The following ADAMTS17 variants were observed in gnomAD, a reference collection of about 807,000 sequenced individuals.
The protein encoded by ADAMTS17 is A disintegrin and metalloproteinase with thrombospondin motifs 17.
Under a neutral mutation model 141.5 loss-of-function variants are expected in ADAMTS17, and 113 were observed. The ratio of observed to expected loss-of-function variants is 0.80; its 90% confidence interval spans 0.69 to 0.93. The LOEUF (loss-of-function observed/expected upper bound fraction) is 0.93. ADAMTS17 is among the 40% of genes least tolerant of loss of function. The probability of loss-of-function intolerance (pLI) is 0.00; values close to 1 mark genes in which losing one functional copy is unlikely to be tolerated. For missense variants in ADAMTS17, 1,659 were observed against 1,517.9 expected, an observed-to-expected ratio of 1.09 and a Z score of -1.54; for synonymous variants, 768 against 630.6, an observed-to-expected ratio of 1.22 and a Z score of -3.27.
intron 11 of ADAMTS17, 112 bp downstream of exon 11, chr15:100,133,102 G>C (rs968583199): frequency 9.6e-7 from 1 of 1,047,116 alleles, no homozygotes; most frequent in African/African-American, 1.6e-5. Flanking sequence ...GTGCCGCCTG[G>C]GGGATGTTTC....
At chr15:100,324,887 T>C (rs2045852031) in intron 3 of ADAMTS17, among the ~76,000 whole-genome samples, 1 of 152,196 alleles carries the variant, frequency 6.6e-6, no homozygotes. Flanking sequence ...AAGAGGTAGA[T>C]GACATTACAA....
chr15:100,285,141 T>C (rs979977986), intron 3 of ADAMTS17, among the ~76,000 whole-genome samples: 6 of 152,190 alleles, frequency 3.9e-5, no homozygotes, highest in Non-Finnish European at 2.9e-5. Context: ...TCATACTATT[T>C]TTCTTACATC....
chr15:99,976,211 G>A lies in ADAMTS17; in HGVS notation c.2961C>T (p.Thr987=). Residue 987 remains threonine, a synonymous_variant, in exon 21 of 22, where the codon ACC becomes ACT. Transcript: ENST00000268070. ...KTGDWSTCSS[T]CGKGLQSRVV... ...CCCGGGACTGCAGGCCCTTCCCGCA[G>A]GTCGACGAGCACTGCAGAGACAGGA... 13 of 1,546,422 alleles carry A rather than the reference G, an allele frequency of 8.4e-6. No individual in the cohort carries two copies. The highest frequency in any genetic ancestry group is 1.0e-5 in the Non-Finnish European group (12 of 1,146,976).
chr15:100,297,596 C>G (rs966248554), intron 3 of ADAMTS17, among the ~76,000 whole-genome samples: 5 of 152,136 alleles, frequency 3.3e-5, no homozygotes, highest in African/African-American at 1.2e-4. Context: ...ATGGGGGGAC[C>G]AGTCACTGAA....
chr15:100,272,292 A>G (rs1596410070), intron 4 of ADAMTS17, among the ~76,000 whole-genome samples: 1 of 152,266 alleles, frequency 6.6e-6, no homozygotes, highest in East Asian at 1.9e-4. Context: ...ACTGCTTTGG[A>G]TAACATTGAT....
In ADAMTS17 at chr15:100,255,434, A is replaced by G. The variant is rs1384415576; in HGVS notation, c.1032-1255T>C. Among the ~76,000 whole-genome samples, 7 of 152,274 alleles carry G rather than the reference A, an allele frequency of 4.6e-5. No homozygotes were observed. The South Asian group carries it at 1.5e-3, about 32-fold the overall frequency. ...AGAAGGAATATCATAAAGAGATGAA[A>G]AGGCCTAGAGACTTGATTTTTCCAT... On this transcript the variant is annotated intron_variant, in intron 6 of 21. Transcript: ENST00000268070.
chr15:100,282,702 C>T (rs923648841), intron 3 of ADAMTS17, among the ~76,000 whole-genome samples: 1 of 151,860 alleles, frequency 6.6e-6, no homozygotes, highest in African/African-American at 2.4e-5. Flanking sequence ...AGATATGGGT[C>T]GTAATTTACA....
At chr15:100,051,938 C>A in intron 16 of ADAMTS17, among the ~76,000 whole-genome samples, 1 of 152,176 alleles carries the variant, frequency 6.6e-6, no homozygotes, top group African/African-American at 2.4e-5. Flanking sequence ...GGGGTGAATG[C>A]AAACCATCGT....
At chr15:100,153,363 G>A (rs1031260337) in intron 9 of ADAMTS17, among the ~76,000 whole-genome samples, 12 of 152,088 alleles carry the variant, frequency 7.9e-5, no homozygotes, top group African/African-American at 1.2e-4. Flanking sequence ...ACTGGGGGCC[G>A]GGCTCGGGGG....
At chr15:100,197,420 G>T (rs752759232) in intron 8 of ADAMTS17, among the ~76,000 whole-genome samples, 5 of 152,146 alleles carry the variant, frequency 3.3e-5, no homozygotes, top group Non-Finnish European at 4.4e-5. Context: ...TGCTGGTTGG[G>T]TCCCTTGATG....
intron 18 of ADAMTS17, among the ~76,000 whole-genome samples, chr15:100,043,610 T>C (rs1018875183): frequency 2.8e-4 from 42 of 152,230 alleles, no homozygotes; most frequent in African/African-American, 1.0e-3. Context: ...GCGGGGTTAT[T>C]TTTGGACAAC....
Position 99,993,343 on chromosome 15 carries a change from T to G in ADAMTS17, c.2797-143A>C. On this transcript the variant is annotated intron_variant, in intron 19 of 21. Coordinates refer to ENST00000268070, the MANE Select transcript of ADAMTS17 (RefSeq NM_139057.4). This position sits in a 1 kb window ranked among gnomAD's most constrained non-coding sequence, Gnocchi z 4.3. ...CACACTTCTGTCCTCAAAAAGCTCC[T>G]GGTCTGCAGGGTCTTACGCACGTGG... 7.8e-7 allele frequency: 1 copy of G among 1,282,084 alleles called. No homozygotes were observed. The highest frequency in any genetic ancestry group is 1.1e-6 in the Non-Finnish European group (1 of 902,076). The allele number at this position is 1,282,084 out of a possible 1,614,324, so 79.4% of individuals were successfully genotyped here. A position where few individuals can be genotyped will look rare whatever the true frequency, so the allele number is the denominator to read the frequency against.
At chr15:100,253,174 T>A (rs530643541) in intron 7 of ADAMTS17, among the ~76,000 whole-genome samples, 3 of 151,858 alleles carry the variant, frequency 2.0e-5, no homozygotes, top group Middle Eastern at 3.4e-3. Context: ...AGCCTCCCGA[T>A]GAACAAAGGT....
intron 12 of ADAMTS17, among the ~76,000 whole-genome samples, chr15:100,117,838 G>A (rs562894331): frequency 2.6e-5 from 4 of 152,126 alleles, no homozygotes; most frequent in South Asian, 2.1e-4. Flanking sequence ...CCCACCCCTC[G>A]CACTTTTTAT....
At chr15:100,056,999 A>T (rs1276227092) in intron 15 of ADAMTS17, among the ~76,000 whole-genome samples, 1 of 151,980 alleles carries the variant, frequency 6.6e-6, no homozygotes, top group South Asian at 2.1e-4. Flanking sequence ...TGAGCGTGTA[A>T]GACAGGGAGA....
chr15:100,248,427 G>A (rs972872718), intron 7 of ADAMTS17, among the ~76,000 whole-genome samples: 1 of 152,086 alleles, frequency 6.6e-6, no homozygotes, highest in African/African-American at 2.4e-5. Flanking sequence ...AGGCCCAGAG[G>A]GTATGCATCT....
intron 18 of ADAMTS17, among the ~76,000 whole-genome samples, chr15:100,010,601 CCTGT>C (rs2061145864): frequency 1.3e-5 from 2 of 152,244 alleles, no homozygotes; most frequent in Admixed American, 1.3e-4. Flanking sequence ...GTCAGAGGTT[CCTGT>C]CTGCCTGAGA....
chr15:100,210,803 C>T (rs905631631), intron 7 of ADAMTS17, among the ~76,000 whole-genome samples: 1 of 151,098 alleles, frequency 6.6e-6, no homozygotes, highest in African/African-American at 2.4e-5. Flanking sequence ...CCCGTCTCTA[C>T]TAAAAATACA....
intron 15 of ADAMTS17, among the ~76,000 whole-genome samples, chr15:100,075,181 A>T (rs1376140990): frequency 2.0e-5 from 3 of 152,182 alleles, no homozygotes; most frequent in Non-Finnish European, 4.4e-5. Context: ...ATCCCATTTC[A>T]ACTTTTATTA....
Sources: gnomAD v4.1 joint callset for allele counts (sites outside exome capture counted in the v4.1 genomes callset) on GRCh38, gnomAD v4.1.1 for gene constraint, Gnocchi (gnomAD v3.1) non-coding constraint, MANE v1.5 for transcripts, NCBI Gene and HGNC (gene_info 2026-07-23, HGNC 2026-07-21) for gene names.